The following CDC42BPB variants were observed in gnomAD, a reference collection of about 807,000 sequenced individuals.
CDC42BPB encodes the protein CDC42 binding protein kinase beta.
In CDC42BPB, 37 loss-of-function variants were observed where a neutral mutation model predicts 214.9. The observed-to-expected ratio is 0.17, with a 90% CI of 0.13 to 0.23. The LOEUF (loss-of-function observed/expected upper bound fraction) is 0.23. Among genes scored for constraint, CDC42BPB ranks in the 10% least tolerant of loss-of-function variants. CDC42BPB has a pLI of 1.00. For missense variants in CDC42BPB, 1,694 were observed against 2,227.0 expected, an observed-to-expected ratio of 0.76 and a Z score of 4.82; for synonymous variants, 931 against 884.0, an observed-to-expected ratio of 1.05 and a Z score of -0.94.
At chr14:102,997,256 G>A (rs1393107673) in intron 5 of CDC42BPB, among the ~76,000 whole-genome samples, 3 of 152,158 alleles carry the variant, frequency 2.0e-5, no homozygotes, top group East Asian at 1.9e-4. Context: ...CACATGTGAT[G>A]CCTGCGAAGT....
At chr14:102,968,106 A>C (rs1893301582) in intron 16 of CDC42BPB, 147 bp downstream of exon 16, 1 of 620,458 alleles carries the variant, frequency 1.6e-6, no homozygotes, top group African/African-American at 1.9e-5. Context: ...AAAAAAAAAA[A>C]CCAAACTTCC....
chr14:102,962,219 G>GCA (rs1892994004), intron 20 of CDC42BPB, among the ~76,000 whole-genome samples: 1 of 152,366 alleles, frequency 6.6e-6, no homozygotes, highest in Admixed American at 6.5e-5. Context: ...GAACGTCACT[G>GCA]CACAGCCTCT....
chr14:102,938,524 G>A (rs1271657330), intron 34 of CDC42BPB, 113 bp from the exon 35 acceptor site: 2 of 1,440,808 alleles, frequency 1.4e-6, no homozygotes, highest in Middle Eastern at 2.6e-4. Flanking sequence ...GAGCAAAATG[G>A]GGGCCAAGAG....
At chr14:103,002,260 C>T (rs2269324) in intron 4 of CDC42BPB, among the ~76,000 whole-genome samples, 39,140 of 152,016 alleles carry the variant, frequency 0.26, 6,066 homozygotes, top group East Asian at 0.47. Context: ...AAGCCGGCCC[C>T]GCAGTCACGG....
At chr14:103,056,432 T>C (rs902189908) in intron 1 of CDC42BPB, among the ~76,000 whole-genome samples, 4 of 152,118 alleles carry the variant, frequency 2.6e-5, no homozygotes, top group Admixed American at 6.5e-5. Flanking sequence ...TCCCTGGGGA[T>C]GCAAGGGGGT....
chr14:102,964,384 G>T, intron 19 of CDC42BPB, 118 bp downstream of exon 19: 1 of 1,247,948 alleles, frequency 8.0e-7, no homozygotes, highest in Non-Finnish European at 1.1e-6. Flanking sequence ...TAAGGCTCCA[G>T]CAAACGCCGT....
At chr14:103,014,400 T>G (rs1339675767) in intron 1 of CDC42BPB, among the ~76,000 whole-genome samples, 1 of 152,126 alleles carries the variant, frequency 6.6e-6, no homozygotes, top group Non-Finnish European at 1.5e-5. Flanking sequence ...TTTTTTTTTG[T>G]TCTATCTGGT....
intron 1 of CDC42BPB, among the ~76,000 whole-genome samples, chr14:103,043,851 C>T (rs1402691030): frequency 6.6e-6 from 1 of 152,104 alleles, no homozygotes; most frequent in Non-Finnish European, 1.5e-5. Context: ...ATTATCAAAA[C>T]TTCATAAACA....
intron 14 of CDC42BPB, among the ~76,000 whole-genome samples, chr14:102,969,735 C>A (rs1286060097): frequency 5.3e-5 from 8 of 152,252 alleles, no homozygotes; most frequent in Admixed American, 4.6e-4. Context: ...CACCAGTGGG[C>A]CCCGACTGAT....
intron 30 of CDC42BPB, chr14:102,941,375 G>A (rs1891881558): frequency 2.0e-6 from 2 of 985,358 alleles, no homozygotes; most frequent in African/African-American, 1.7e-5. Context: ...ACTCCAAACA[G>A]GCTACAAGAT....
chr14:102,964,280 G>A (rs888458593), intron 19 of CDC42BPB, among the ~76,000 whole-genome samples: 12 of 152,156 alleles, frequency 7.9e-5, no homozygotes, highest in Non-Finnish European at 1.5e-4. Context: ...ACACCCCCCC[G>A]CGGCAGGCAA....
At chr14:102,953,985 C>T (rs1892604864) in intron 23 of CDC42BPB, among the ~76,000 whole-genome samples, 1 of 152,176 alleles carries the variant, frequency 6.6e-6, no homozygotes, top group African/African-American at 2.4e-5. Context: ...TTGTGTAGCA[C>T]TGGTATCATT....
chr14:103,030,592 C>T (rs1442562239), intron 1 of CDC42BPB, among the ~76,000 whole-genome samples: 2 of 151,992 alleles, frequency 1.3e-5, no homozygotes, highest in East Asian at 1.9e-4. Context: ...GCTACTTGGG[C>T]GGCTGAGGCG....
chr14:102,944,242 G>A lies in CDC42BPB; in HGVS notation c.4057C>T (p.Leu1353Phe), dbSNP rs1398437447. 2 of 1,613,264 alleles carry A rather than the reference G, an allele frequency of 1.2e-6. No homozygotes were observed. Among genetic ancestry groups the A allele is most frequent in the Non-Finnish European group, 1.7e-6 (2 of 1,180,034 alleles). Residue 1353 changes from leucine to phenylalanine, a missense_variant, in exon 30 of 37, where the codon CTT becomes TTT. This residue lies in a region of CDC42BPB where 567 missense variants were observed against 790.3 expected (regional missense o/e 0.72). Coordinates refer to ENST00000361246, the MANE Select transcript of CDC42BPB (RefSeq NM_006035.4). This position sits in a 1 kb window ranked among gnomAD's most constrained non-coding sequence, Gnocchi z 6.6. ...CLFVAVKRLI[L>F]CYEIQRTKPF... ...TTCGTTCTCTGGATCTCATAGCAAA[G>A]GATCAGCCGTTTCACGGCCACAAAC...
chr14:103,010,942 A>G (rs907192945), intron 2 of CDC42BPB, among the ~76,000 whole-genome samples: 1 of 152,196 alleles, frequency 6.6e-6, no homozygotes, highest in African/African-American at 2.4e-5. Context: ...AGGCAGGAGA[A>G]TGGCATGAAG....
chr14:102,973,030 G>T (rs948673402), intron 12 of CDC42BPB, among the ~76,000 whole-genome samples: 1 of 152,196 alleles, frequency 6.6e-6, no homozygotes, highest in Non-Finnish European at 1.5e-5. Flanking sequence ...TGATGACCCT[G>T]ACCTCCCTGC....
At chr14:102,974,313 C>CAT in intron 11 of CDC42BPB, 164 bp from the exon 12 acceptor site, 2 of 985,068 alleles carry the variant, frequency 2.0e-6, no homozygotes, top group South Asian at 9.4e-5. Flanking sequence ...CACACACACA[C>CAT]ACACACAGTG....
chr14:102,988,002 A>C (rs1894326265), intron 5 of CDC42BPB, among the ~76,000 whole-genome samples: 1 of 151,860 alleles, frequency 6.6e-6, no homozygotes, highest in Non-Finnish European at 1.5e-5. Context: ...TACACACACA[A>C]ACACACACGC....
At chr14:102,950,855 A>G (rs1322121226) in intron 24 of CDC42BPB, 1 of 187,612 alleles carries the variant, frequency 5.3e-6, no homozygotes, top group African/African-American at 2.4e-5. Context: ...AATCCCAGCT[A>G]CTCGGGAGGC....
Sources: gnomAD v4.1 joint callset for allele counts (sites outside exome capture counted in the v4.1 genomes callset) on GRCh38, gnomAD v4.1.1 for gene constraint, gnomAD v4.1.1 regional missense constraint, Gnocchi (gnomAD v3.1) non-coding constraint, MANE v1.5 for transcripts, NCBI Gene and HGNC (gene_info 2026-07-23, HGNC 2026-07-21) for gene names.